The following AFG2A variants were observed in gnomAD, a reference collection of about 807,000 sequenced individuals.
AFG2A encodes the protein AAA ATPase AFG2A, also known as ATPase family gene 2 protein homolog A.
chr4:123,041,266 A>G, the AFG2A span, among the ~76,000 whole-genome samples: 1 of 127,220 alleles, frequency 7.9e-6, no homozygotes, highest in African/African-American at 2.8e-5. Flanking sequence ...GCCCGCCACC[A>G]CGCCCAGCTA....
chr4:122,979,086 C>T, the AFG2A span: 11 of 898,068 alleles, frequency 1.2e-5, no homozygotes, highest in Admixed American at 1.2e-4. Flanking sequence ...CCACTGGCTT[C>T]GTGGAGTATG....
At chr4:123,029,269 T>C in the AFG2A span, among the ~76,000 whole-genome samples, 1 of 152,182 alleles carries the variant, frequency 6.6e-6, no homozygotes, top group Non-Finnish European at 1.5e-5. Context: ...GTATTTTTAG[T>C]AGAGACAGGT....
At chr4:123,058,566 G>A in the AFG2A span, among the ~76,000 whole-genome samples, 4 of 152,068 alleles carry the variant, frequency 2.6e-5, no homozygotes, top group East Asian at 1.9e-4. Context: ...TGGAGGTTGC[G>A]GTGAGCTGAG....
the AFG2A span, among the ~76,000 whole-genome samples, chr4:123,133,145 T>C: frequency 4.6e-5 from 7 of 152,060 alleles, no homozygotes; most frequent in Non-Finnish European, 1.0e-4. Context: ...CCGAAGATAA[T>C]GGGTTTGTTC....
chr4:123,220,149 G>A, the AFG2A span, among the ~76,000 whole-genome samples: 6 of 152,190 alleles, frequency 3.9e-5, no homozygotes, highest in South Asian at 6.2e-4. Flanking sequence ...GATTACAGGC[G>A]TGAGCCACTG....
chr4:123,295,306 C>G, the AFG2A span, among the ~76,000 whole-genome samples: 109,802 of 152,110 alleles, frequency 0.72, 40,857 homozygotes, highest in Non-Finnish European at 0.81. Flanking sequence ...AGGACAGAAG[C>G]AGGTAAAGAA....
the AFG2A span, among the ~76,000 whole-genome samples, chr4:122,986,338 C>T: frequency 3.2e-4 from 49 of 152,156 alleles, no homozygotes; most frequent in East Asian, 3.3e-3. Context: ...GTTGACTTTC[C>T]GTCTTGATGA....
At chr4:123,110,502 G>A in the AFG2A span, among the ~76,000 whole-genome samples, 1 of 151,966 alleles carries the variant, frequency 6.6e-6, no homozygotes, top group Non-Finnish European at 1.5e-5. Context: ...AATTTTATAG[G>A]TATATCTACA....
At chr4:123,117,060 C>G in the AFG2A span, among the ~76,000 whole-genome samples, 1 of 152,076 alleles carries the variant, frequency 6.6e-6, no homozygotes, top group Non-Finnish European at 1.5e-5. Flanking sequence ...TATTTAATGT[C>G]CAAGCCTCAG....
the AFG2A span, among the ~76,000 whole-genome samples, chr4:123,104,996 T>G: frequency 6.6e-6 from 1 of 152,232 alleles, no homozygotes; most frequent in African/African-American, 2.4e-5. Context: ...AAACAACAGA[T>G]TTTTAATGTA....
At chr4:123,249,990 TA>T in the AFG2A span, among the ~76,000 whole-genome samples, 1 of 152,206 alleles carries the variant, frequency 6.6e-6, no homozygotes, top group African/African-American at 2.4e-5. Flanking sequence ...GATATGTTTT[TA>T]TTAAAGTATA....
chr4:123,090,622 C>T, the AFG2A span: 128 of 1,614,156 alleles, frequency 7.9e-5, 1 homozygote, highest in South Asian at 1.4e-3. Flanking sequence ...TTTGGCTCAG[C>T]TCTTAACAGA....
chr4:123,165,480 A>G, the AFG2A span, among the ~76,000 whole-genome samples: 1 of 152,154 alleles, frequency 6.6e-6, no homozygotes, highest in Non-Finnish European at 1.5e-5. Context: ...TCCATTTATG[A>G]AAGTAAATAT....
At chr4:123,301,506 C>T in the AFG2A span, among the ~76,000 whole-genome samples, 7 of 151,924 alleles carry the variant, frequency 4.6e-5, no homozygotes, top group Non-Finnish European at 1.0e-4. Context: ...GTGATTTCAC[C>T]TCATTTACAT....
At chr4:122,929,292 T>C in the AFG2A span, 1 of 1,385,542 alleles carries the variant, frequency 7.2e-7, no homozygotes, top group East Asian at 2.6e-5. Context: ...TTTTGCATTT[T>C]CTTGTAACAT....
chr4:122,951,438 A>ACACACACACACACACACACACACACACG, the AFG2A span, among the ~76,000 whole-genome samples: 1 of 146,618 alleles, frequency 6.8e-6, no homozygotes, highest in Non-Finnish European at 1.5e-5. Flanking sequence ...CAAAGTACAC[A>ACACACACACACACACACACACACACACG]CACACACACA....
At chr4:123,162,141 A>G in the AFG2A span, among the ~76,000 whole-genome samples, 37 of 152,358 alleles carry the variant, frequency 2.4e-4, no homozygotes, top group South Asian at 7.0e-3. Flanking sequence ...AAGAGACACT[A>G]TAAAAGTGGA....
At chr4:123,007,612 A>G in the AFG2A span, among the ~76,000 whole-genome samples, 180 of 33,674 alleles carry the variant, frequency 5.3e-3, no homozygotes, top group African/African-American at 0.02. Context: ...GTGTGTGTAT[A>G]TATATATATA....
At chr4:123,095,030 C>CAAA in the AFG2A span, among the ~76,000 whole-genome samples, 1,217 of 35,180 alleles carry the variant, frequency 0.035, 47 homozygotes, top group East Asian at 0.14. Flanking sequence ...TCCCTCCCCA[C>CAAA]AAAAAAAAAA....
Sources: gnomAD v4.1 joint callset for allele counts (sites outside exome capture counted in the v4.1 genomes callset) on GRCh38, gnomAD v4.1.1 for gene constraint, MANE v1.5 for transcripts, NCBI Gene and HGNC (gene_info 2026-07-23, HGNC 2026-07-21) for gene names.